PUDP: variants seen among roughly 807,000 people sequenced by gnomAD.
The protein encoded by PUDP is pseudouridine 5'-phosphatase.
PUDP carries 8 observed loss-of-function variants against 9.4 expected under a neutral mutation model. The observed-to-expected ratio is 0.85, with a 90% CI of 0.50 to 1.53. The LOEUF (loss-of-function observed/expected upper bound fraction) is 1.53. Ranked by LOEUF, PUDP falls within the 40% of genes most tolerant of loss-of-function variation. The pLI, the probability that PUDP is intolerant of heterozygous loss-of-function variation, is 0.00. For missense variants in PUDP, 188 were observed against 189.7 expected (o/e 0.99, Z 0.05); for synonymous variants, 99 against 80.7 (o/e 1.23, Z -1.22).
At chrX:6,863,150 A>T (rs1258819239) in intron 3 of PUDP, among the ~76,000 whole-genome samples, 1 of 111,772 alleles carries the variant, frequency 8.9e-6, no homozygotes, top group African/African-American at 3.2e-5. Context: ...CCTGGCCTCA[A>T]ATGATTATCC....
intron 1 of PUDP, among the ~76,000 whole-genome samples, chrX:6,989,001 CTAGTTAACTCT>C (rs1003352938): frequency 8.9e-6 from 1 of 111,811 alleles, no homozygotes; most frequent in Non-Finnish European, 1.9e-5. Flanking sequence ...CAAGTATTCC[CTAGTTAACTCT>C]TAGTTAACAC....
At chrX:6,791,338 A>G (rs753370948) in intron 3 of PUDP, among the ~76,000 whole-genome samples, 3 of 108,677 alleles carry the variant, frequency 2.8e-5, no homozygotes, top group Admixed American at 9.8e-5. Context: ...AAAAAGAAGA[A>G]GGAAAAGAAA....
intron 1 of PUDP, among the ~76,000 whole-genome samples, chrX:7,110,525 T>C (rs1266602235): frequency 2.7e-5 from 3 of 111,418 alleles, no homozygotes; most frequent in African/African-American, 9.8e-5. Context: ...AAGAAGCACA[T>C]ATGGTGATAC....
intron 3 of PUDP, among the ~76,000 whole-genome samples, chrX:6,906,517 C>A (rs1009682984): frequency 8.9e-6 from 1 of 112,322 alleles, no homozygotes; most frequent in Non-Finnish European, 1.9e-5. Context: ...GCAGGCGCTT[C>A]TTGTCGAGAA....
intron 3 of PUDP, among the ~76,000 whole-genome samples, chrX:6,849,765 G>A (rs1174827595): frequency 9.0e-6 from 1 of 111,450 alleles, no homozygotes; most frequent in Non-Finnish European, 1.9e-5. Flanking sequence ...TGGATGTGCT[G>A]ATGAGTAAAT....
chrX:7,075,674 A>G (rs1236652483), intron 3 of PUDP, among the ~76,000 whole-genome samples: 1 of 110,948 alleles, frequency 9.0e-6, no homozygotes, highest in Non-Finnish European at 1.9e-5. Flanking sequence ...GGGCCTGGGG[A>G]GCTTTGAGTT....
chrX:7,068,433 T>C (rs990982999), intron 3 of PUDP, among the ~76,000 whole-genome samples: 2 of 111,939 alleles, frequency 1.8e-5, no homozygotes, highest in African/African-American at 6.5e-5. Context: ...CGTGCATTGA[T>C]AGCCTCTGAT....
At chrX:6,804,652 C>G (rs1411387855) in intron 3 of PUDP, among the ~76,000 whole-genome samples, 1 of 111,384 alleles carries the variant, frequency 9.0e-6, no homozygotes, top group Non-Finnish European at 1.9e-5. Flanking sequence ...CAGGTCTACG[C>G]TTCCTCCTGG....
intron 1 of PUDP, among the ~76,000 whole-genome samples, chrX:7,014,539 C>T (rs567342765): frequency 9.0e-6 from 1 of 111,557 alleles, no homozygotes; most frequent in African/African-American, 3.3e-5. Flanking sequence ...TCAAATGTAG[C>T]AGGATTTTAA....
At chrX:6,958,722 G>A (rs1928664010) in intron 3 of PUDP, among the ~76,000 whole-genome samples, 1 of 90,914 alleles carries the variant, frequency 1.1e-5, no homozygotes, top group Non-Finnish European at 2.1e-5. Flanking sequence ...GCACTCTTGG[G>A]CAACAAAAGT....
chrX:7,116,958 C>G (rs1932212051), intron 1 of PUDP: 4 of 1,166,379 alleles, frequency 3.4e-6, no homozygotes, highest in Non-Finnish European at 4.6e-6. Flanking sequence ...ATGCCTGCTC[C>G]TGCTTACCCG....
intron 1 of PUDP, among the ~76,000 whole-genome samples, chrX:7,126,666 C>G (rs965321415): frequency 9.0e-5 from 10 of 110,580 alleles, no homozygotes; most frequent in African/African-American, 3.3e-4. Flanking sequence ...GGACACCAGT[C>G]CCATTGGATT....
chrX:6,808,770 T>C (rs998375662), intron 3 of PUDP, among the ~76,000 whole-genome samples: 1 of 112,440 alleles, frequency 8.9e-6, no homozygotes, highest in Non-Finnish European at 1.9e-5. Flanking sequence ...ACCCTTGGGA[T>C]AAACACAGAA....
intron 3 of PUDP, among the ~76,000 whole-genome samples, chrX:6,748,010 T>A (rs55637165): frequency 0.27 from 29,992 of 111,029 alleles, 3,994 homozygotes; most frequent in African/African-American, 0.52. Flanking sequence ...AGGGGAAAAA[T>A]AAGTCTCCTC....
chrX:6,866,783 G>A (rs1927093620), intron 3 of PUDP, among the ~76,000 whole-genome samples: 1 of 111,854 alleles, frequency 8.9e-6, no homozygotes, highest in Admixed American at 9.5e-5. Flanking sequence ...TTGAGAACTG[G>A]GGTACAGCAG....
intron 3 of PUDP, among the ~76,000 whole-genome samples, chrX:7,053,319 T>C (rs1183235352): frequency 9.0e-6 from 1 of 111,371 alleles, no homozygotes; most frequent in Non-Finnish European, 1.9e-5. Context: ...AAAGAGATAA[T>C]GGAAGGCACC....
chrX:6,814,092 C>A (rs887874542), intron 3 of PUDP, among the ~76,000 whole-genome samples: 20 of 110,799 alleles, frequency 1.8e-4, no homozygotes, highest in African/African-American at 5.6e-4. Context: ...ATCCTGGGTT[C>A]TCATTCTGGT....
intron 3 of PUDP, among the ~76,000 whole-genome samples, chrX:6,858,544 T>G (rs1181418839): frequency 3.6e-5 from 4 of 110,864 alleles, no homozygotes; most frequent in African/African-American, 1.3e-4. Context: ...TTGTGAAGGC[T>G]GGTCTCAAAC....
intron 3 of PUDP, among the ~76,000 whole-genome samples, chrX:6,909,732 A>C (rs1344167683): frequency 8.9e-6 from 1 of 111,961 alleles, no homozygotes; most frequent in African/African-American, 3.2e-5. Flanking sequence ...GTCAGCGTGG[A>C]TTTTGAGAAG....
Sources: allele counts gnomAD v4.1 joint callset (sites outside exome capture counted in the v4.1 genomes callset), GRCh38; gene constraint gnomAD v4.1.1; transcripts MANE v1.5; gene names NCBI Gene and HGNC (gene_info 2026-07-23, HGNC 2026-07-21).